Variants in ANKMY1 observed in about 807,000 individuals in gnomAD.
ANKMY1 encodes ankyrin repeat and MYND domain containing 1, also known as ankyrin repeat and MYND domain-containing protein 1.
Under a neutral mutation model 102.0 loss-of-function variants are expected in ANKMY1, and 98 were observed. The observed-to-expected ratio is 0.96, with a 90% CI of 0.82 to 1.14. The LOEUF (loss-of-function observed/expected upper bound fraction) is 1.14, where lower values mean the gene tolerates loss of function less well. Ranked by LOEUF, ANKMY1 falls within the 50% of genes most tolerant of loss-of-function variation. ANKMY1 has a pLI of 0.00. For missense variants in ANKMY1, 1,330 were observed against 1,347.6 expected (o/e 0.99, Z 0.20); for synonymous variants, 582 against 559.9 (o/e 1.04, Z -0.56).
intron 4 of ANKMY1, among the ~76,000 whole-genome samples, chr2:240,546,210 A>T (rs1330689325): frequency 6.6e-6 from 1 of 152,144 alleles, no homozygotes; most frequent in African/African-American, 2.4e-5. Context: ...AATATTCAAC[A>T]TTCTTAAAGA....
At chr2:240,531,759 GA>G (rs2085450766) in intron 4 of ANKMY1, among the ~76,000 whole-genome samples, 2 of 152,218 alleles carry the variant, frequency 1.3e-5, no homozygotes, top group Admixed American at 1.3e-4. Context: ...AAAGGAGCTG[GA>G]AAAAATTCTG....
At chr2:240,538,988 G>A (rs1033504669) in intron 4 of ANKMY1, among the ~76,000 whole-genome samples, 2 of 152,110 alleles carry the variant, frequency 1.3e-5, no homozygotes, top group Non-Finnish European at 2.9e-5. Context: ...GATTGTAAAC[G>A]CACCAATCAG....
rs777955854 is a variant in ANKMY1 at position 240,524,297 on chromosome 2, C to T, written c.1420G>A (p.Val474Met). 20 of 1,613,578 alleles carry T rather than the reference C, an allele frequency of 1.2e-5. No homozygotes were observed. The highest frequency in any genetic ancestry group is 4.5e-5 in the East Asian group (2 of 44,900). ...AGCTCATAGCTACCCTGGGAAGGCA[C>T]GTTCACCTCATAGTACAGAGACTCC... ...NLESLYYEVN[V>M]PSQGSYELRP... is the part of the protein sequence containing the mutation. Residue 474 changes from valine (V) to methionine (M), a missense_variant, in exon 8 of 18, where the codon GTG becomes ATG. By Grantham distance (21) the Val-to-Met change is conservative. Transcript: ENST00000401804.
At chr2:240,500,787 C>T (rs922532558) in intron 13 of ANKMY1, among the ~76,000 whole-genome samples, 2 of 152,194 alleles carry the variant, frequency 1.3e-5, no homozygotes, top group Admixed American at 1.3e-4. Context: ...GATGTCACAG[C>T]GAAGTCAAGG....
chr2:240,509,351 C>T lies in ANKMY1; in HGVS notation c.2391G>A (p.Glu797=), dbSNP rs569268612. The change falls in exon 12 of 18, where the codon GAG becomes GAA. Residue 797 remains glutamate (E), a synonymous_variant. Transcript: ENST00000401804. ...PLSLSIASGN[E]LVVKELLTQG... Reference sequence around the variant, plus strand: ...TGTGGGTACAGAACATGCTCACCAGCTCATTCCCACTGGCAATGGACAGGG... The same window carrying T: ...TGTGGGTACAGAACATGCTCACCAGTTCATTCCCACTGGCAATGGACAGGG... The T allele has an allele frequency of 1.9e-6, 3 of 1,612,256 alleles. No homozygotes were observed. In the South Asian group the frequency reaches 3.3e-5, roughly 18 times the overall value.
chr2:240,524,418 T>C (rs370228874), intron 7 of ANKMY1, 37 bp from the exon 8 acceptor site: 60 of 1,562,836 alleles, frequency 3.8e-5, no homozygotes, highest in Middle Eastern at 1.7e-4. Context: ...TTAGAATAAA[T>C]TGGAGTGATA....
At chr2:240,480,286 G>C (rs1258827424) in intron 17 of ANKMY1, among the ~76,000 whole-genome samples, 1 of 152,220 alleles carries the variant, frequency 6.6e-6, no homozygotes, top group Non-Finnish European at 1.5e-5. Context: ...GGCTTTCCCA[G>C]ACCCACTCCC....
At position 240,512,844 on chromosome 2, in the gene ANKMY1, G is replaced by A. The variant is rs373580629; in HGVS notation, c.2103C>T (p.Asp701=). The A allele has an allele frequency of 8.7e-5, 140 of 1,614,034 alleles. No homozygotes were observed. In the East Asian group the frequency reaches 9.1e-4, roughly 11 times the overall value. The change falls in exon 10 of 18, where the codon GAC becomes GAT. Residue 701 remains aspartate (D), a synonymous_variant. Transcript: ENST00000401804. ...TGTCGTCCTCGTCGGATGCCTTGGCGTCCACATCGGTGATGGCATGCAACA... is the reference window on the plus strand; with the variant it reads ...TGTCGTCCTCGTCGGATGCCTTGGCATCCACATCGGTGATGGCATGCAACA... The part of the protein sequence containing the change: ...ELLLHAITDV[D]AKASDEDDTY...
chr2:240,547,829 T>G (rs1394080242), intron 4 of ANKMY1, among the ~76,000 whole-genome samples: 4 of 149,868 alleles, frequency 2.7e-5, no homozygotes, highest in Admixed American at 6.6e-5. Flanking sequence ...GTTGAATCTC[T>G]GAATAGACCA....
At chr2:240,490,789 G>T (rs937133824) in intron 15 of ANKMY1, among the ~76,000 whole-genome samples, 14 of 152,132 alleles carry the variant, frequency 9.2e-5, no homozygotes, top group South Asian at 6.2e-4. Context: ...CTGATGAAAA[G>T]AATATATATT....
At chr2:240,476,884 C>T (rs10199877), downstream of ANKMY1, among the ~76,000 whole-genome samples, 4,835 of 152,230 alleles carry the variant, frequency 0.032, 266 homozygotes, top group African/African-American at 0.11. Context: ...GGAAAGGACA[C>T]GTGGATTTCA....
chr2:240,493,853 C>T (rs1336165127), intron 15 of ANKMY1, among the ~76,000 whole-genome samples: 1 of 152,112 alleles, frequency 6.6e-6, no homozygotes, highest in Non-Finnish European at 1.5e-5. Context: ...CCAGCAGTGG[C>T]TGCAATGGAG....
Position 240,500,086 on chromosome 2 carries a change from A to G in ANKMY1, c.2678T>C (p.Met893Thr). ...RIARCPFHTL[M>T]PAERETFLAR... ...CAGGAACGTCTCGCGCTCTGCTGGCATCAGCGTGTGGAAGGGGCAGCGGGC... is the reference window on the plus strand; with the variant it reads ...CAGGAACGTCTCGCGCTCTGCTGGCGTCAGCGTGTGGAAGGGGCAGCGGGC... The change falls in exon 15 of 18, where the codon ATG (methionine) becomes ACG (threonine). Residue 893 changes from methionine (M) to threonine (T), a missense_variant. Physicochemically the swap from Met to Thr is moderately conservative, Grantham distance 81. Transcript: ENST00000401804. The G allele has an allele frequency of 6.2e-7, 1 of 1,610,502 alleles. No homozygotes were observed. Among genetic ancestry groups the G allele is most frequent in the Non-Finnish European group, 8.5e-7 (1 of 1,178,698 alleles).
In ANKMY1 at chr2:240,524,297, C is replaced by A. The variant is rs777955854; in HGVS notation, c.1420G>T (p.Val474Leu). The A allele has an allele frequency of 2.5e-6, 4 of 1,613,578 alleles. No homozygotes were observed. The African/African-American group carries it at 5.3e-5, about 22-fold the overall frequency. Reference sequence around the variant, plus strand: ...AGCTCATAGCTACCCTGGGAAGGCACGTTCACCTCATAGTACAGAGACTCC... The same window carrying A: ...AGCTCATAGCTACCCTGGGAAGGCAAGTTCACCTCATAGTACAGAGACTCC... ...NLESLYYEVNVPSQGSYELRP... is the reference protein window; with the variant it reads ...NLESLYYEVNLPSQGSYELRP... The change falls in exon 8 of 18, where the codon GTG becomes TTG. Residue 474 changes from valine (V) to leucine (L), a missense_variant. Transcript: ENST00000401804.
chr2:240,473,948 T>C, the ANKMY1 span, among the ~76,000 whole-genome samples: 4 of 152,122 alleles, frequency 2.6e-5, no homozygotes, highest in Non-Finnish European at 1.5e-5. Flanking sequence ...TCCTCTAAGA[T>C]CACGAACAAG....
At position 240,490,252 on chromosome 2, in the gene ANKMY1, T is replaced by A. The variant is rs540662405; in HGVS notation, c.2807-7991A>T. Among the ~76,000 whole-genome samples the A allele has an allele frequency of 1.5e-4, 23 of 152,326 alleles. No individual in the cohort carries two copies. The East Asian group carries it at 4.2e-3, about 28-fold the overall frequency. Reference sequence around the variant, plus strand: ...AACTTTTTATTTCATTGATTCTCTGTATTTTTTCTCTATTTCATTTAGTTC... The same window carrying A: ...AACTTTTTATTTCATTGATTCTCTGAATTTTTTCTCTATTTCATTTAGTTC... On this transcript the variant is annotated intron_variant, in intron 15 of 17. Transcript: ENST00000401804.
intron 14 of ANKMY1, 122 bp from the exon 15 acceptor site, chr2:240,500,245 A>T: frequency 7.7e-7 from 1 of 1,295,762 alleles, no homozygotes; most frequent in Non-Finnish European, 1.0e-6. Flanking sequence ...GAACCCAGAC[A>T]GACACACAAA....
rs879318168 is a variant in ANKMY1 at position 240,554,721 on chromosome 2, G to A, written c.336+145C>T. The stretch of plus-strand genomic sequence containing the variant: ...AAGTTGGGAAAGATGCTTTTCTCTG[G>A]ACATTTCTCAAGGAGGAAAAACTTT... On this transcript the variant is annotated intron_variant, in intron 3 of 17. Coordinates refer to ENST00000401804, the MANE Select transcript of ANKMY1 (RefSeq NM_001282771.3). 23 of 943,436 alleles carry A rather than the reference G, an allele frequency of 2.4e-5. No individual in the cohort carries two copies. The Middle Eastern group carries it at 9.7e-4, about 40-fold the overall frequency. 58.4% of individuals were successfully genotyped at this position (943,436 alleles called of 1,614,324 possible). A position where few individuals can be genotyped will look rare whatever the true frequency, so the allele number is the denominator to read the frequency against.
chr2:240,518,384 C>T (rs2081556487), intron 9 of ANKMY1, among the ~76,000 whole-genome samples: 1 of 152,076 alleles, frequency 6.6e-6, no homozygotes, highest in African/African-American at 2.4e-5. Context: ...TTTTTCTTAG[C>T]CCTCCTAATT....
Sources: gnomAD v4.1 joint callset for allele counts (sites outside exome capture counted in the v4.1 genomes callset) on GRCh38, gnomAD v4.1.1 for gene constraint, MANE v1.5 for transcripts, NCBI Gene and HGNC (gene_info 2026-07-23, HGNC 2026-07-21) for gene names.